The following CDK11B variants were observed in gnomAD, a reference collection of about 807,000 sequenced individuals.
CDK11B encodes the protein cyclin-dependent kinase 11B.
A neutral mutation model predicts 84.0 loss-of-function variants in CDK11B; 37 were observed. That is an observed-to-expected ratio of 0.44 (90% CI 0.34 to 0.58). The LOEUF is 0.58. CDK11B is among the 20% of genes least tolerant of loss of function. The pLI is 0.02. For synonymous variants in CDK11B, 269 were observed against 309.8 expected (o/e 0.87, Z 1.38); for missense variants, 427 against 834.0 (o/e 0.51, Z 6.01).
In CDK11B at chr1:1,643,628, C is replaced by T. The variant is rs1238814288; in HGVS notation, c.632-1120G>A. On this transcript the variant is annotated intron_variant, in intron 6 of 19. Transcript: ENST00000341832. ...TCAAGAAAATGACGCGTGAACACGACGGAAATATCAACAGAGACAGAAGAT... is the reference window on the plus strand; with the variant it reads ...TCAAGAAAATGACGCGTGAACACGATGGAAATATCAACAGAGACAGAAGAT... Among the ~76,000 whole-genome samples, 67 of 144,638 alleles carry T rather than the reference C, an allele frequency of 4.6e-4. 1 individual carries two copies. The highest frequency in any genetic ancestry group is 7.1e-3 in the Middle Eastern group (2 of 282). The allele number at this position is 144,638 out of a possible 152,430, so 94.9% of individuals were successfully genotyped here. A position where few individuals can be genotyped will look rare whatever the true frequency, so the allele number is the denominator to read the frequency against.
intron 11 of CDK11B, among the ~76,000 whole-genome samples, 173 bp from the exon 12 acceptor site, chr1:1,638,763 A>C (rs1639787197): frequency 6.6e-6 from 1 of 152,240 alleles, no homozygotes; most frequent in Non-Finnish European, 1.5e-5. Context: ...CTTTCCTTGC[A>C]AAACCATCTG....
Position 1,640,383 on chromosome 1 carries a change from G to A in CDK11B, c.1145C>T (p.Thr382Met), listed in dbSNP as rs376460943. 2.3e-5 allele frequency: 37 copies of A among 1,613,550 alleles called. No homozygotes were observed. Among genetic ancestry groups the A allele is most frequent in the Middle Eastern group, 1.6e-4 (1 of 6,078 alleles). The change falls in exon 11 of 20, where the codon ACG becomes ATG. Residue 382 changes from threonine (T) to methionine (M), a missense_variant. Around this residue, in one of 12 missense-constraint regions of CDK11B, gnomAD observed 43 missense variants for 61.8 expected, o/e 0.70. Coordinates refer to ENST00000341832, the MANE Select transcript of CDK11B (RefSeq NM_033486.3). Reference protein sequence around the residue: ...EEAEEEVGEGTPQSSALTEGD... With the variant: ...EEAEEEVGEGMPQSSALTEGD... Reference sequence around the variant, plus strand: ...CTCTGTCAGGGCGCTGCTCTGCGGCGTTCCCTCACCCACTTCTTCCTCTGC... The same window carrying A: ...CTCTGTCAGGGCGCTGCTCTGCGGCATTCCCTCACCCACTTCTTCCTCTGC...
chr1:1,645,888 GA>G (rs1641025874), intron 5 of CDK11B: 1 of 348,036 alleles, frequency 2.9e-6, no homozygotes, highest in Non-Finnish European at 5.6e-6. Flanking sequence ...ACCCAGGCTG[GA>G]GTGCAGTGGC....
rs1254448185 is a variant in CDK11B, at chr1:1,650,030, C to T, written c.356-393G>A. 9.0e-4 allele frequency among the ~76,000 whole-genome samples: 135 copies of T among 149,612 alleles called. 1 individual carries two copies. In the South Asian group the frequency reaches 0.021, roughly 23 times the overall value. ...GGCTCACGCCTGTAATTCCAGCACT[C>T]TGGGAGGCCGAGGTGGGCGGATCAC... is the stretch of plus-strand genomic sequence containing the variant. On this transcript the variant is annotated intron_variant, in intron 4 of 19. Coordinates refer to ENST00000341832, the MANE Select transcript of CDK11B (RefSeq NM_033486.3).
chr1:1,650,655 G>A lies in CDK11B; in HGVS notation c.356-1018C>T, dbSNP rs1360419426. 8.3e-4 allele frequency among the ~76,000 whole-genome samples: 117 copies of A among 140,158 alleles called. No homozygotes were observed. The Middle Eastern group carries it at 0.011, about 13-fold the overall frequency. 91.9% of individuals were successfully genotyped at this position (140,158 alleles called of 152,430 possible). A position where few individuals can be genotyped will look rare whatever the true frequency, so the allele number is the denominator to read the frequency against. ...GTGGGGATTACAGTTGTGAGCCACC[G>A]CGCCCGGCCTTTTTTTTTTTTTTTT... On this transcript the variant is annotated intron_variant, in intron 4 of 19. Coordinates refer to ENST00000341832, the MANE Select transcript of CDK11B (RefSeq NM_033486.3).
rs1642142809 is a variant in CDK11B, at chr1:1,652,453, T to C, written c.341A>G (p.His114Arg). The change falls in exon 4 of 20, where the codon CAT (histidine) becomes CGT (arginine). Residue 114 changes from histidine (H) to arginine (R), a missense_variant. Physicochemically the swap from His to Arg is conservative, Grantham distance 29 (BLOSUM62 0). Transcript: ENST00000341832. ...KRKEKRRHRS[H>R]SAEGGKHARV... ...TGCTTCTGTACCCCCTTCTGCTGAA[T>C]GGCTACGATGCCTACGTTTCTCTTT... 2.7e-6 allele frequency: 4 copies of C among 1,503,868 alleles called. No homozygotes were observed. In the African/African-American group the frequency reaches 4.4e-5, roughly 17 times the overall value. The allele number at this position is 1,503,868 out of a possible 1,614,324, so 93.2% of individuals were successfully genotyped here.
intron 18 of CDK11B, 98 bp from the exon 19 acceptor site, chr1:1,636,224 C>T: frequency 8.8e-7 from 1 of 1,139,258 alleles, no homozygotes; most frequent in Non-Finnish European, 1.2e-6. Flanking sequence ...GCATGGGACG[C>T]CAGGCACCAG....
intron 3 of CDK11B, chr1:1,654,175 A>G (rs756127074): frequency 1.8e-4 from 82 of 463,524 alleles, no homozygotes; most frequent in Non-Finnish European, 3.1e-4. Flanking sequence ...TTAATTACTA[A>G]TACCTGATGA....
chr1:1,649,367 C>G (rs1450262771), intron 5 of CDK11B, 132 bp downstream of exon 5: 1 of 664,600 alleles, frequency 1.5e-6, no homozygotes, highest in African/African-American at 1.8e-5. Context: ...TCCCAAAGTG[C>G]TGGGATTACA....
intron 3 of CDK11B, among the ~76,000 whole-genome samples, chr1:1,654,793 G>A (rs1454556801): frequency 6.6e-6 from 1 of 151,880 alleles, no homozygotes; most frequent in African/African-American, 2.4e-5. Flanking sequence ...CGAGTAGCTG[G>A]GACTAAAGGC....
rs752355633 is a variant in CDK11B, at chr1:1,640,330, G to C, written c.1198C>G (p.Leu400Val). The change falls in exon 11 of 20, where the codon CTG becomes GTG. Residue 400 changes from leucine to valine, a missense_variant. Around this residue, in one of 12 missense-constraint regions of CDK11B, gnomAD observed 43 missense variants for 61.8 expected, o/e 0.70. Transcript: ENST00000341832. ...TCCTGCTTGAGCTCGATGGGCGACA[G>C]GGCAGGGGAGTCGGGCACATAGTCG... ...EGDYVPDSPA[L>V]SPIELKQELP... is the part of the protein sequence containing the mutation. The C allele has an allele frequency of 1.9e-6, 3 of 1,613,724 alleles. No individual in the cohort carries two copies. The highest frequency in any genetic ancestry group is 2.5e-6 in the Non-Finnish European group (3 of 1,179,674).
intron 5 of CDK11B, among the ~76,000 whole-genome samples, chr1:1,649,182 C>T (rs1277796482): frequency 6.6e-6 from 1 of 152,152 alleles, no homozygotes; most frequent in African/African-American, 2.4e-5. Flanking sequence ...TCAATGCAAG[C>T]TCCACCTTCC....
intron 4 of CDK11B, among the ~76,000 whole-genome samples, chr1:1,650,084 C>A (rs1242397509): frequency 4.0e-5 from 6 of 150,544 alleles, no homozygotes; most frequent in Non-Finnish European, 2.9e-5. Context: ...TCCTGGCTAA[C>A]ACGGTGAAAC....
At chr1:1,639,610 C>T (rs1639945871) in intron 11 of CDK11B, among the ~76,000 whole-genome samples, 1 of 151,820 alleles carries the variant, frequency 6.6e-6, no homozygotes, top group Non-Finnish European at 1.5e-5. Flanking sequence ...TGTGGCCCGA[C>T]GCCTACGCTC....
chr1:1,637,575 G>C (rs1639565343), intron 13 of CDK11B, 62 bp from the exon 14 acceptor site: 1 of 1,607,490 alleles, frequency 6.2e-7, no homozygotes, highest in African/African-American at 1.3e-5. Context: ...CCTGCACCCG[G>C]GTGCAGCTGC....
chr1:1,636,828 G>A (rs1417091619), intron 16 of CDK11B, 30 bp from the exon 17 acceptor site: 3 of 1,613,408 alleles, frequency 1.9e-6, no homozygotes, highest in African/African-American at 1.3e-5. Context: ...GTTCAGGAGG[G>A]CCAGTGCCCG....
At chr1:1,655,656 GCT>G (rs1330809382) in intron 2 of CDK11B, among the ~76,000 whole-genome samples, 172 bp from the exon 3 acceptor site, 1 of 152,114 alleles carries the variant, frequency 6.6e-6, no homozygotes, top group Non-Finnish European at 1.5e-5. Context: ...GGGTGTGGTG[GCT>G]CACGCTTGTA....
rs753875756 is a variant in CDK11B, at chr1:1,636,434, G to A, written c.1965C>T (p.Leu655=). The change falls in exon 18 of 20, where the codon CTC becomes CTT. Residue 655 remains leucine (L), a synonymous_variant. Coordinates refer to ENST00000341832, the MANE Select transcript of CDK11B (RefSeq NM_033486.3). Reference sequence around the variant, plus strand: ...TGAAGGTCATCTTCTTGACTGCTGGGAGCTCGCTGTAGCCGGGCCAGATTT... The same window carrying A: ...TGAAGGTCATCTTCTTGACTGCTGGAAGCTCGCTGTAGCCGGGCCAGATTT... ...SEKIWPGYSE[L]PAVKKMTFSE... is the part of the protein sequence containing the mutation. 5.6e-6 allele frequency: 9 copies of A among 1,613,086 alleles called. No individual in the cohort carries two copies. In the East Asian group the frequency reaches 2.0e-4, roughly 36 times the overall value.
intron 1 of CDK11B, among the ~76,000 whole-genome samples, chr1:1,657,874 C>A (rs2101046334): frequency 7.9e-6 from 1 of 127,346 alleles, no homozygotes; most frequent in African/African-American, 3.3e-5. Context: ...CACTGCACTC[C>A]AGCCTAGATA....
Sources: gnomAD v4.1 joint callset for allele counts (sites outside exome capture counted in the v4.1 genomes callset) on GRCh38, gnomAD v4.1.1 for gene constraint, gnomAD v4.1.1 regional missense constraint, MANE v1.5 for transcripts, NCBI Gene and HGNC (gene_info 2026-07-23, HGNC 2026-07-21) for gene names.